Variants in FGGY observed in about 807,000 individuals in gnomAD.
The protein encoded by FGGY is FGGY carbohydrate kinase domain containing.
Under a neutral mutation model 71.3 loss-of-function variants are expected in FGGY, and 72 were observed. That is an observed-to-expected ratio of 1.01 (90% confidence interval 0.84 to 1.23). The LOEUF (loss-of-function observed/expected upper bound fraction) is 1.23. Among genes scored for constraint, FGGY ranks in the 50% most tolerant of loss-of-function variants. The probability of loss-of-function intolerance (pLI) is 0.00; values close to 1 mark genes in which losing one functional copy is unlikely to be tolerated. For missense variants in FGGY, 668 were observed against 682.3 expected, an observed-to-expected ratio of 0.98 and a Z score of 0.23; for synonymous variants, 251 against 250.3, an observed-to-expected ratio of 1.00 and a Z score of -0.02.
At chr1:59,461,325 T>C (rs1572428923) in intron 6 of FGGY, among the ~76,000 whole-genome samples, 1 of 152,198 alleles carries the variant, frequency 6.6e-6, no homozygotes, top group South Asian at 2.1e-4. Flanking sequence ...GTATCAGTGA[T>C]TGAAGATCAA....
At chr1:59,329,306 T>C (rs1225377435) in intron 2 of FGGY, among the ~76,000 whole-genome samples, 3 of 128,172 alleles carry the variant, frequency 2.3e-5, no homozygotes, top group African/African-American at 9.8e-5. Flanking sequence ...GCAATAGCAC[T>C]GTATCTAAAA....
chr1:59,469,449 C>T (rs947772107), intron 6 of FGGY, among the ~76,000 whole-genome samples: 1 of 152,140 alleles, frequency 6.6e-6, no homozygotes, highest in Admixed American at 6.5e-5. Flanking sequence ...AGAAGTGCCT[C>T]CTAAGACAAT....
intron 8 of FGGY, among the ~76,000 whole-genome samples, chr1:59,565,062 T>C (rs1322563967): frequency 5.9e-5 from 9 of 152,142 alleles, no homozygotes; most frequent in Admixed American, 2.6e-4. Flanking sequence ...TGGGGTGGGA[T>C]GGGGGTGGTA....
chr1:59,734,172 AGGGTTTT>A (rs1344421880), intron 14 of FGGY, among the ~76,000 whole-genome samples: 1 of 152,042 alleles, frequency 6.6e-6, no homozygotes, highest in Non-Finnish European at 1.5e-5. Context: ...TTATTTCAGT[AGGGTTTT>A]GGGGAACAGG....
chr1:59,607,929 A>C lies in FGGY; in HGVS notation c.1011+19A>C. 16 of 1,573,512 alleles carry C rather than the reference A, an allele frequency of 1.0e-5. No homozygotes were observed. Among genetic ancestry groups the C allele is most frequent in the African/African-American group, 1.3e-5 (1 of 74,256 alleles). ...AAAATTGGTAAGTTGACACTTTCTC[A>C]ATAGGGTCATGGATGTTTTTATGTC... On this transcript the variant is annotated intron_variant, in intron 9 of 15. Coordinates refer to ENST00000303721, the MANE Select transcript of FGGY (RefSeq NM_018291.5).
At chr1:59,496,505 A>G (rs1168716730) in intron 6 of FGGY, among the ~76,000 whole-genome samples, 2 of 152,180 alleles carry the variant, frequency 1.3e-5, no homozygotes, top group Non-Finnish European at 2.9e-5. Flanking sequence ...AGGAGAGAAC[A>G]GTAGACACTG....
At chr1:59,665,916 G>T (rs189842170) in intron 12 of FGGY, among the ~76,000 whole-genome samples, 1 of 152,004 alleles carries the variant, frequency 6.6e-6, no homozygotes, top group African/African-American at 2.4e-5. Flanking sequence ...CTCATGATCC[G>T]CCCGCCTTGG....
At chr1:59,622,077 G>A (rs1327701975) in intron 9 of FGGY, among the ~76,000 whole-genome samples, 2 of 151,596 alleles carry the variant, frequency 1.3e-5, no homozygotes, top group Admixed American at 1.3e-4. Flanking sequence ...GGACACTTTT[G>A]TTGGTCATCT....
chr1:59,443,244 AT>A (rs905835219), intron 5 of FGGY, among the ~76,000 whole-genome samples: 2 of 152,140 alleles, frequency 1.3e-5, no homozygotes, highest in African/African-American at 4.8e-5. Flanking sequence ...AGTTAAGATG[AT>A]TTTTTTAGAT....
At chr1:59,681,058 A>G (rs2097493005) in intron 14 of FGGY, 1 of 152,176 alleles carries the variant, frequency 6.6e-6, no homozygotes, top group South Asian at 2.1e-4. Flanking sequence ...GACCATACTC[A>G]CCAGTATTAT....
intron 4 of FGGY, among the ~76,000 whole-genome samples, chr1:59,377,477 C>T (rs111906523): frequency 0.21 from 31,207 of 152,090 alleles, 3,488 homozygotes; most frequent in East Asian, 0.35. Context: ...AGAACTCACT[C>T]GCTATCATGA....
At chr1:59,339,892 G>C in intron 2 of FGGY, 66 bp from the exon 3 acceptor site, 1 of 914,590 alleles carries the variant, frequency 1.1e-6, no homozygotes, top group Middle Eastern at 2.3e-4. Context: ...CCTTCTAGTT[G>C]TAACTGTTTT....
At chr1:59,355,825 G>T (rs1398893287) in intron 4 of FGGY, among the ~76,000 whole-genome samples, 1 of 151,848 alleles carries the variant, frequency 6.6e-6, no homozygotes, top group Non-Finnish European at 1.5e-5. Context: ...CTTTTAAAGG[G>T]CACTCATTTC....
At chr1:59,354,755 GT>G (rs2053970123) in intron 4 of FGGY, among the ~76,000 whole-genome samples, 1 of 152,208 alleles carries the variant, frequency 6.6e-6, no homozygotes, top group Non-Finnish European at 1.5e-5. Context: ...GGAACTTAGA[GT>G]CTAGTGTAGA....
intron 3 of FGGY, among the ~76,000 whole-genome samples, chr1:59,344,761 A>G: frequency 6.6e-6 from 1 of 152,114 alleles, no homozygotes; most frequent in Non-Finnish European, 1.5e-5. Context: ...GTTATACTAT[A>G]TTGTTTAGGG....
intron 5 of FGGY, among the ~76,000 whole-genome samples, chr1:59,385,023 G>A (rs1401289213): frequency 6.6e-6 from 1 of 152,026 alleles, no homozygotes; most frequent in African/African-American, 2.4e-5. Context: ...AAGGCTAGAG[G>A]GTCTTTTTTA....
intron 7 of FGGY, among the ~76,000 whole-genome samples, chr1:59,533,487 G>T (rs1203850030): frequency 6.6e-6 from 1 of 152,224 alleles, no homozygotes; most frequent in Non-Finnish European, 1.5e-5. Context: ...CTCGAACTGG[G>T]TGGAGCCCAC....
chr1:59,620,773 ATAAATACCCTTCAACT>A (rs2096798954), intron 9 of FGGY, among the ~76,000 whole-genome samples: 1 of 152,096 alleles, frequency 6.6e-6, no homozygotes, highest in Non-Finnish European at 1.5e-5. Context: ...CATGAAAGGT[ATAAATACCCTTCAACT>A]GTGTAGTTCT....
At chr1:59,445,908 G>A (rs2071124229) in intron 5 of FGGY, among the ~76,000 whole-genome samples, 1 of 152,140 alleles carries the variant, frequency 6.6e-6, no homozygotes, top group Admixed American at 6.5e-5. Flanking sequence ...GATCAGGGCA[G>A]GTTTTGAACT....
Sources: allele counts gnomAD v4.1 joint callset (sites outside exome capture counted in the v4.1 genomes callset), GRCh38; gene constraint gnomAD v4.1.1; transcripts MANE v1.5; gene names NCBI Gene and HGNC (gene_info 2026-07-23, HGNC 2026-07-21).